Variants in TMEM178B observed in about 807,000 individuals in gnomAD.
TMEM178B encodes the protein transmembrane protein 178B.
A neutral mutation model predicts 31.0 loss-of-function variants in TMEM178B; 5 were observed. That is an observed-to-expected ratio of 0.16 (90% CI 0.08 to 0.34). TMEM178B has a LOEUF of 0.34. Ranked by LOEUF, TMEM178B falls within the 10% of genes least tolerant of loss-of-function variation. TMEM178B has a pLI of 1.00. For missense variants in TMEM178B, 275 were observed against 400.3 expected (o/e 0.69, Z 2.67); for synonymous variants, 164 against 164.0 (o/e 1.00, Z 0.00).
chr7:141,449,031 A>G (rs1209693985), intron 3 of TMEM178B, among the ~76,000 whole-genome samples: 1 of 152,112 alleles, frequency 6.6e-6, no homozygotes, highest in African/African-American at 2.4e-5. Context: ...TTTCTGTGGA[A>G]ATAAAGACCT....
intron 2 of TMEM178B, among the ~76,000 whole-genome samples, chr7:141,365,013 C>T (rs1311092417): frequency 6.6e-6 from 1 of 152,252 alleles, no homozygotes; most frequent in Non-Finnish European, 1.5e-5. Flanking sequence ...AATTTTAAAA[C>T]CTTTTCTGGA....
At chr7:141,126,325 G>A (rs757129453) in intron 1 of TMEM178B, among the ~76,000 whole-genome samples, 3 of 152,196 alleles carry the variant, frequency 2.0e-5, no homozygotes, top group Non-Finnish European at 4.4e-5. Flanking sequence ...GTGAATGGGA[G>A]ATTGGGCAGG....
At chr7:141,198,881 C>A (rs549268121) in intron 1 of TMEM178B, among the ~76,000 whole-genome samples, 2 of 152,226 alleles carry the variant, frequency 1.3e-5, no homozygotes, top group East Asian at 3.9e-4. Context: ...AGGGTGGTGG[C>A]AGCTCGCGGC....
intron 1 of TMEM178B, among the ~76,000 whole-genome samples, chr7:141,208,572 G>A (rs1337510062): frequency 6.6e-6 from 1 of 152,212 alleles, no homozygotes; most frequent in African/African-American, 2.4e-5. Context: ...TCAGAGGCAG[G>A]ATGCTTGCAA....
At chr7:141,502,763 T>C in the TMEM178B span, among the ~76,000 whole-genome samples, 2 of 99,862 alleles carry the variant, frequency 2.0e-5, no homozygotes, top group African/African-American at 3.5e-5. Flanking sequence ...AGAGCGAAAC[T>C]CAGTCTAAAA....
chr7:141,207,438 C>T (rs1034991904), intron 1 of TMEM178B, among the ~76,000 whole-genome samples: 5 of 152,168 alleles, frequency 3.3e-5, no homozygotes, highest in Non-Finnish European at 5.9e-5. Context: ...TCCGCCTCCT[C>T]GCCAATATGA....
Position 141,475,384 on chromosome 7 carries a change from A to G in TMEM178B, c.*4598A>G, listed in dbSNP as rs867749974. On this transcript the variant is annotated 3_prime_UTR_variant, in exon 4 of 4. Transcript: ENST00000565468. ...AAACATTATTCCTGGTTCTTAGAAT[A>G]TGTGATTACTGAGTATTGGATTTCT... The G allele has an allele frequency of 6.6e-6, 1 of 152,246 alleles. No individual in the cohort carries two copies. Among genetic ancestry groups the G allele is most frequent in the African/African-American group, 2.4e-5 (1 of 41,458 alleles). 9.4% of individuals were successfully genotyped at this position (152,246 alleles called of 1,614,324 possible). A position where few individuals can be genotyped will look rare whatever the true frequency, so the allele number is the denominator to read the frequency against.
chr7:141,094,260 C>A (rs1384823894), intron 1 of TMEM178B, among the ~76,000 whole-genome samples: 2 of 152,060 alleles, frequency 1.3e-5, no homozygotes, highest in African/African-American at 4.8e-5. Flanking sequence ...TTGGAGATGG[C>A]CTTTCTTGAA....
chr7:141,500,693 C>T, the TMEM178B span, among the ~76,000 whole-genome samples: 3 of 152,134 alleles, frequency 2.0e-5, no homozygotes, highest in Non-Finnish European at 4.4e-5. Context: ...ATTCAGCTGG[C>T]CAGCCAAATT....
intron 3 of TMEM178B, among the ~76,000 whole-genome samples, chr7:141,453,522 A>G (rs1242141794): frequency 1.3e-5 from 2 of 152,246 alleles, no homozygotes; most frequent in Admixed American, 6.5e-5. Flanking sequence ...AGTAACTTGT[A>G]TGGTCCCTGT....
chr7:141,294,520 G>A (rs1798598104), intron 2 of TMEM178B, among the ~76,000 whole-genome samples: 1 of 152,176 alleles, frequency 6.6e-6, no homozygotes, highest in Non-Finnish European at 1.5e-5. Context: ...CTCAGGGTGA[G>A]CATCCTTTCT....
chr7:141,441,724 A>C (rs1489375327), intron 3 of TMEM178B, among the ~76,000 whole-genome samples: 1 of 152,202 alleles, frequency 6.6e-6, no homozygotes, highest in Non-Finnish European at 1.5e-5. Flanking sequence ...CAAGGCCAAC[A>C]TGAAAATGGA....
intron 1 of TMEM178B, among the ~76,000 whole-genome samples, chr7:141,187,051 A>G (rs1796620393): frequency 6.7e-6 from 1 of 149,576 alleles, no homozygotes; most frequent in Non-Finnish European, 1.5e-5. Context: ...TTAACTCGTC[A>G]TTTAGCATTA....
chr7:141,485,470 T>G, the TMEM178B span, among the ~76,000 whole-genome samples: 2 of 152,168 alleles, frequency 1.3e-5, no homozygotes, highest in African/African-American at 4.8e-5. Flanking sequence ...AACATTGTTG[T>G]GAGGATACAG....
chr7:141,423,807 T>G (rs953309276), intron 2 of TMEM178B, among the ~76,000 whole-genome samples: 43 of 96,656 alleles, frequency 4.4e-4, no homozygotes, highest in African/African-American at 1.5e-3. Flanking sequence ...ACATTTGTGT[T>G]TTTTTTTTTT....
At position 141,226,872 on chromosome 7, in the gene TMEM178B, AAAG is replaced by A. The variant is rs369793524; in HGVS notation, c.496+14171_496+14173del. ...GACTACCACTCTGAAAAAAAAAAAA[AAAG>A]AAAAAGAAAAAAGTAATTACTAGTT... On this transcript the variant is annotated intron_variant, in intron 2 of 3. Transcript: ENST00000565468. Among the ~76,000 whole-genome samples the A allele has an allele frequency of 6.9e-3, 918 of 132,486 alleles. 24 individuals are homozygous for A. Among genetic ancestry groups the A allele is most frequent in the East Asian group, 0.014 (66 of 4,564 alleles). 86.9% of individuals were successfully genotyped at this position (132,486 alleles called of 152,430 possible).
the TMEM178B span, among the ~76,000 whole-genome samples, chr7:141,500,592 G>C: frequency 5.4e-3 from 823 of 152,212 alleles, 9 homozygotes; most frequent in African/African-American, 0.019. Context: ...TTCTATGGCC[G>C]TGTAGTCCTA....
intron 2 of TMEM178B, among the ~76,000 whole-genome samples, chr7:141,296,359 C>A (rs1798634392): frequency 6.6e-6 from 1 of 152,196 alleles, no homozygotes; most frequent in South Asian, 2.1e-4. Flanking sequence ...TGAGCCACTG[C>A]ACCCGGCCAG....
chr7:141,337,834 A>C (rs965089880), intron 2 of TMEM178B, among the ~76,000 whole-genome samples: 2 of 152,248 alleles, frequency 1.3e-5, no homozygotes, highest in South Asian at 4.2e-4. Flanking sequence ...ATAGCATAAA[A>C]TGGTTTGATT....
Sources: gnomAD v4.1 joint callset for allele counts (sites outside exome capture counted in the v4.1 genomes callset) on GRCh38, gnomAD v4.1.1 for gene constraint, MANE v1.5 for transcripts, NCBI Gene and HGNC (gene_info 2026-07-23, HGNC 2026-07-21) for gene names.